GAL3ST2: variants seen among roughly 807,000 people sequenced by gnomAD.
The protein encoded by GAL3ST2 is galactose-3-O-sulfotransferase 2.
A neutral mutation model predicts 12.9 loss-of-function variants in GAL3ST2; 16 were observed. That is an observed-to-expected ratio of 1.24 (90% CI 0.84 to 1.88). The LOEUF is 1.88. GAL3ST2 is among the 40% of genes most tolerant of loss of function. The probability of loss-of-function intolerance (pLI) is 0.00; values close to 1 mark genes in which losing one functional copy is unlikely to be tolerated. For synonymous variants in GAL3ST2, 302 were observed against 273.9 expected (o/e 1.10, Z -1.01); for missense variants, 639 against 571.8 (o/e 1.12, Z -1.20).
In GAL3ST2 at chr2:241,804,009, C is replaced by G. The variant is rs145527407; in HGVS notation, c.1040C>G (p.Ala347Gly). The change falls in exon 4 of 4, where the codon GCC (alanine) becomes GGC (glycine). Residue 347 changes from alanine (A) to glycine (G), a missense_variant. Coordinates refer to ENST00000192314, the MANE Select transcript of GAL3ST2 (RefSeq NM_022134.3). ...CTGCGCCCCTACCAGTCCGGCAAGG[C>G]CGACATCCTGGGTTACAACCTCCGG... ...PRLRPYQSGK[A>G]DILGYNLRPG... 8 of 1,567,806 alleles carry G rather than the reference C, an allele frequency of 5.1e-6. No individual in the cohort carries two copies. The African/African-American group carries it at 9.7e-5, about 19-fold the overall frequency.
chr2:241,802,078 G>A lies in GAL3ST2; in HGVS notation c.375+42G>A, dbSNP rs1194364318. Reference sequence around the variant, plus strand: ...GGGGAGGAGGGCGGGCTGCAGCCGTGCCTGTGGCTGTGGGTCTGGGTGGTG... The same window carrying A: ...GGGGAGGAGGGCGGGCTGCAGCCGTACCTGTGGCTGTGGGTCTGGGTGGTG... On this transcript the variant is annotated intron_variant, in intron 3 of 3. Transcript: ENST00000192314. The surrounding 1 kb of genome is among the most constrained non-coding windows in gnomAD (Gnocchi z 4.8). 1.3e-6 allele frequency: 2 copies of A among 1,563,600 alleles called. No individual in the cohort carries two copies. Among genetic ancestry groups the A allele is most frequent in the Non-Finnish European group, 8.7e-7 (1 of 1,154,220 alleles).
rs1396719455 is a variant in GAL3ST2, at chr2:241,804,134, C to A, written c.1165C>A (p.Pro389Thr). Residue 389 changes from proline (P) to threonine (T), a missense_variant, in exon 4 of 4, where the codon CCC becomes ACC. Coordinates refer to ENST00000192314, the MANE Select transcript of GAL3ST2 (RefSeq NM_022134.3). ...RLYALQFPEK[P>T]LKNIPFLGA is the part of the protein sequence containing the mutation. ...GTACGCCCTGCAGTTCCCGGAGAAG[C>A]CCCTCAAGAACATCCCGTTCCTGGG... 2 of 1,482,220 alleles carry A rather than the reference C, an allele frequency of 1.3e-6. No individual in the cohort carries two copies. The highest frequency in any genetic ancestry group is 4.7e-5 in the Admixed American group (2 of 42,410). 91.8% of individuals were successfully genotyped at this position (1,482,220 alleles called of 1,614,324 possible).
Position 241,779,528 on chromosome 2 carries a change from C to T in GAL3ST2, c.29+2544C>T, listed in dbSNP as rs184974538. ...GATTACAGGCGTGAGCCACCGTGCC[C>T]GGCCCTGGGAAGTTCATTTTTTAGC... On this transcript the variant is annotated intron_variant, in intron 1 of 3. Transcript: ENST00000192314. Among the ~76,000 whole-genome samples, 1,210 of 151,236 alleles carry T rather than the reference C, an allele frequency of 8.0e-3. 22 individuals are homozygous for T. Among genetic ancestry groups the T allele is most frequent in the Non-Finnish European group, 5.5e-3 (372 of 67,820 alleles).
chr2:241,794,379 G>A (rs1451014846), intron 1 of GAL3ST2, among the ~76,000 whole-genome samples: 4 of 152,190 alleles, frequency 2.6e-5, no homozygotes, highest in Admixed American at 1.3e-4. Flanking sequence ...TTGCAGGGCC[G>A]AGGCCTGGTG....
intron 1 of GAL3ST2, among the ~76,000 whole-genome samples, chr2:241,798,215 TC>T (rs1177794036): frequency 2.6e-5 from 4 of 152,138 alleles, no homozygotes; most frequent in African/African-American, 9.7e-5. Context: ...AGGCCAGGCC[TC>T]CTCAGGCCTC....
intron 1 of GAL3ST2, among the ~76,000 whole-genome samples, chr2:241,796,610 C>T (rs1316337026): frequency 6.6e-6 from 1 of 152,210 alleles, no homozygotes; most frequent in Non-Finnish European, 1.5e-5. Flanking sequence ...AAGCCTGCTA[C>T]ACCCATGTCC....
chr2:241,784,599 T>G (rs190541958), intron 1 of GAL3ST2, among the ~76,000 whole-genome samples: 6 of 152,348 alleles, frequency 3.9e-5, no homozygotes, highest in Admixed American at 2.6e-4. Context: ...TTGACTAGTC[T>G]TTTTTCTTTA....
intron 1 of GAL3ST2, among the ~76,000 whole-genome samples, chr2:241,792,014 C>CTT (rs765348346): frequency 1.1e-4 from 15 of 133,948 alleles, no homozygotes; most frequent in East Asian, 2.2e-4. Flanking sequence ...TTCTTTCTTT[C>CTT]TTTTTTTTTT....
At chr2:241,786,111 GGCA>G (rs1332320701) in intron 1 of GAL3ST2, among the ~76,000 whole-genome samples, 2 of 148,936 alleles carry the variant, frequency 1.3e-5, no homozygotes, top group Non-Finnish European at 2.9e-5. Context: ...TCTTTTGGCT[GGCA>G]TCTTTCTCCC....
chr2:241,778,903 T>A (rs990963566), intron 1 of GAL3ST2, among the ~76,000 whole-genome samples: 7 of 152,080 alleles, frequency 4.6e-5, no homozygotes, highest in Non-Finnish European at 1.0e-4. Context: ...TTTGAGTTTC[T>A]GATGAGCCTC....
intron 1 of GAL3ST2, 102 bp from the exon 2 acceptor site, chr2:241,798,963 C>G: frequency 1.1e-6 from 1 of 910,892 alleles, no homozygotes; most frequent in Non-Finnish European, 1.8e-6. Context: ...AGGGGAGGCC[C>G]AGACCTGTGT....
chr2:241,792,136 C>G (rs139013602), intron 1 of GAL3ST2, among the ~76,000 whole-genome samples: 3 of 151,420 alleles, frequency 2.0e-5, no homozygotes, highest in Non-Finnish European at 4.4e-5. Context: ...CCCTCAGCCT[C>G]CCTAGTAGCT....
intron 2 of GAL3ST2, among the ~76,000 whole-genome samples, chr2:241,799,522 A>G (rs1699817257): frequency 6.6e-6 from 1 of 152,172 alleles, no homozygotes; most frequent in Admixed American, 6.5e-5. Flanking sequence ...TGCTCAGGAC[A>G]GACCTTGCAG....
At chr2:241,779,265 G>A (rs1228837165) in intron 1 of GAL3ST2, among the ~76,000 whole-genome samples, 2 of 109,336 alleles carry the variant, frequency 1.8e-5, no homozygotes, top group South Asian at 3.4e-4. Context: ...ACGGAGTCTC[G>A]CTCTCTCTCC....
At chr2:241,786,630 G>T (rs1486527948) in intron 1 of GAL3ST2, among the ~76,000 whole-genome samples, 1 of 151,998 alleles carries the variant, frequency 6.6e-6, no homozygotes. Flanking sequence ...ATAGGGAGTT[G>T]TACAGCAAAA....
chr2:241,780,943 G>A (rs1360401345), intron 1 of GAL3ST2, among the ~76,000 whole-genome samples: 1 of 152,232 alleles, frequency 6.6e-6, no homozygotes, highest in African/African-American at 2.4e-5. Flanking sequence ...GGGTCCGTAA[G>A]TCAAGTTTGA....
At chr2:241,777,691 C>T (rs373127696) in intron 1 of GAL3ST2, among the ~76,000 whole-genome samples, 6 of 152,184 alleles carry the variant, frequency 3.9e-5, no homozygotes, top group African/African-American at 7.2e-5. Flanking sequence ...AGACCAGCTG[C>T]CAGGACACTG....
chr2:241,789,784 C>T (rs181712289), intron 1 of GAL3ST2, among the ~76,000 whole-genome samples: 197 of 151,958 alleles, frequency 1.3e-3, no homozygotes, highest in Middle Eastern at 3.4e-3. Context: ...TGTTGGAACC[C>T]GGGAGGCAGA....
chr2:241,795,765 G>A lies in GAL3ST2; in HGVS notation c.30-3300G>A, dbSNP rs572339257. ...TGTCCTCTCTCACGAAGACGTGGGT[G>A]TCTCCAGCGGGACCCTGATCCCGCG... On this transcript the variant is annotated intron_variant, in intron 1 of 3. Transcript: ENST00000192314. The surrounding 1 kb of genome is among the most constrained non-coding windows in gnomAD (Gnocchi z 4.5). 5.9e-5 allele frequency among the ~76,000 whole-genome samples: 9 copies of A among 152,394 alleles called. No individual in the cohort carries two copies. In the East Asian group the frequency reaches 1.7e-3, roughly 29 times the overall value.
Sources: allele counts gnomAD v4.1 joint callset (sites outside exome capture counted in the v4.1 genomes callset), GRCh38; gene constraint gnomAD v4.1.1; non-coding constraint Gnocchi (gnomAD v3.1); transcripts MANE v1.5; gene names NCBI Gene and HGNC (gene_info 2026-07-23, HGNC 2026-07-21).